RNLS: variants seen among roughly 807,000 people sequenced by gnomAD.
RNLS encodes the protein renalase.
Under a neutral mutation model 39.8 loss-of-function variants are expected in RNLS, and 39 were observed. That is an observed-to-expected ratio of 0.98 (90% CI 0.76 to 1.28). The LOEUF is 1.28. RNLS is among the 50% of genes most tolerant of loss of function. The probability of loss-of-function intolerance (pLI) is 0.00; values close to 1 mark genes in which losing one functional copy is unlikely to be tolerated. For missense variants in RNLS, 410 were observed against 413.3 expected, an observed-to-expected ratio of 0.99 and a Z score of 0.07; for synonymous variants, 147 against 150.7, an observed-to-expected ratio of 0.98 and a Z score of 0.18.
intron 4 of RNLS, among the ~76,000 whole-genome samples, chr10:88,444,655 C>G (rs937925274): frequency 6.6e-6 from 1 of 152,020 alleles, no homozygotes; most frequent in Non-Finnish European, 1.5e-5. Context: ...AACCATGGCA[C>G]GAGAACTACA....
At chr10:88,479,954 T>G (rs550585114) in intron 4 of RNLS, among the ~76,000 whole-genome samples, 2 of 152,294 alleles carry the variant, frequency 1.3e-5, no homozygotes, top group African/African-American at 4.8e-5. Context: ...ATTGTATTAG[T>G]TCTCTGCACA....
At chr10:88,466,908 C>T (rs2133960059) in intron 4 of RNLS, among the ~76,000 whole-genome samples, 1 of 152,146 alleles carries the variant, frequency 6.6e-6, no homozygotes, top group South Asian at 2.1e-4. Flanking sequence ...ATAAAAAAAC[C>T]TTCTTTTATT....
intron 4 of RNLS, among the ~76,000 whole-genome samples, chr10:88,522,279 G>A (rs1013963388): frequency 3.3e-5 from 5 of 152,076 alleles, no homozygotes; most frequent in African/African-American, 1.2e-4. Flanking sequence ...CTGGTTGGAT[G>A]TGCAAAAATT....
At chr10:88,502,673 A>C (rs1352840155) in intron 4 of RNLS, among the ~76,000 whole-genome samples, 1 of 152,184 alleles carries the variant, frequency 6.6e-6, no homozygotes, top group African/African-American at 2.4e-5. Context: ...GGTATTGGGC[A>C]CTGGGACATT....
intron 4 of RNLS, among the ~76,000 whole-genome samples, chr10:88,382,249 A>C (rs1232763520): frequency 3.3e-5 from 5 of 152,154 alleles, no homozygotes; most frequent in African/African-American, 1.2e-4. Context: ...AATGACAGGT[A>C]CAGTGGAGTG....
chr10:88,491,730 A>G (rs146927795), intron 4 of RNLS, among the ~76,000 whole-genome samples: 6 of 152,316 alleles, frequency 3.9e-5, no homozygotes, highest in South Asian at 2.1e-4. Context: ...AACAATGCTA[A>G]GAAGACTATC....
intron 4 of RNLS, among the ~76,000 whole-genome samples, chr10:88,555,593 C>CT (rs1848826136): frequency 6.6e-6 from 1 of 152,102 alleles, no homozygotes; most frequent in South Asian, 2.1e-4. Context: ...CTGCTGGTGC[C>CT]ATGCTTGTAT....
intron 4 of RNLS, among the ~76,000 whole-genome samples, chr10:88,534,127 G>A (rs767816831): frequency 2.0e-4 from 31 of 152,102 alleles, no homozygotes; most frequent in Non-Finnish European, 4.1e-4. Flanking sequence ...GCAGACTATA[G>A]GCTAATTTAG....
the RNLS span, among the ~76,000 whole-genome samples, chr10:88,198,468 C>T: frequency 2.0e-5 from 3 of 152,136 alleles, no homozygotes; most frequent in African/African-American, 7.2e-5. Flanking sequence ...TAGTTTCATA[C>T]GATGCATATT....
rs116919286 is a variant in RNLS, at chr10:88,349,944, A to G, written c.700+12608T>C. On this transcript the variant is annotated intron_variant, in intron 5 of 6. Coordinates refer to ENST00000331772, the MANE Select transcript of RNLS (RefSeq NM_001031709.3). Reference sequence around the variant, plus strand: ...TTACATAACTGAATTACAAATAACTATGTCTATTATATAAATGACAAAATG... The same window carrying G: ...TTACATAACTGAATTACAAATAACTGTGTCTATTATATAAATGACAAAATG... Among the ~76,000 whole-genome samples, 913 of 152,176 alleles carry G rather than the reference A, an allele frequency of 6.0e-3. 6 individuals are homozygous for G. Among genetic ancestry groups the G allele is most frequent in the Non-Finnish European group, 1.0e-2 (677 of 67,980 alleles).
At chr10:88,199,197 G>C in the RNLS span, among the ~76,000 whole-genome samples, 4 of 152,156 alleles carry the variant, frequency 2.6e-5, no homozygotes, top group Non-Finnish European at 4.4e-5. Flanking sequence ...TCTCAGAGTG[G>C]AAGCCTGAAC....
intron 5 of RNLS, among the ~76,000 whole-genome samples, chr10:88,355,557 G>C (rs1332043209): frequency 6.6e-6 from 1 of 152,160 alleles, no homozygotes. Context: ...GTTGCTGTCT[G>C]ATTGTTCCTG....
At chr10:88,326,939 G>T (rs1846661469) in intron 5 of RNLS, among the ~76,000 whole-genome samples, 1 of 152,190 alleles carries the variant, frequency 6.6e-6, no homozygotes, top group Non-Finnish European at 1.5e-5. Flanking sequence ...AGAGCTTTAA[G>T]ATTGAATAGC....
chr10:88,380,270 A>G (rs1163543057), intron 4 of RNLS, among the ~76,000 whole-genome samples: 2 of 151,848 alleles, frequency 1.3e-5, no homozygotes, highest in Admixed American at 1.3e-4. Context: ...TATATTGCAA[A>G]TGTATTCAAC....
rs1385711478 is a variant in RNLS, at chr10:88,288,904, A to G, written c.877-3398T>C. ...AGTAAGAGCCCTGCAGTGGAGGAGC[A>G]CGTAATTGTCAAAGCCACAATCTCA... On this transcript the variant is annotated intron_variant, in intron 6 of 6. Coordinates refer to ENST00000331772, the MANE Select transcript of RNLS (RefSeq NM_001031709.3). Among the ~76,000 whole-genome samples, 3 of 152,192 alleles carry G rather than the reference A, an allele frequency of 2.0e-5. No homozygotes were observed. In the East Asian group the frequency reaches 5.8e-4, roughly 29 times the overall value.
At chr10:88,325,965 C>T (rs1425563434) in intron 5 of RNLS, among the ~76,000 whole-genome samples, 1 of 152,176 alleles carries the variant, frequency 6.6e-6, no homozygotes, top group Non-Finnish European at 1.5e-5. Flanking sequence ...TGTCCTGCCG[C>T]CATGTGAGAA....
the RNLS span, among the ~76,000 whole-genome samples, chr10:88,213,089 A>G: frequency 6.6e-6 from 1 of 152,152 alleles, no homozygotes; most frequent in Non-Finnish European, 1.5e-5. Flanking sequence ...TGGGCACTGG[A>G]CTAGTTGCGG....
chr10:88,278,592 C>G (rs1842897079), intron 6 of RNLS, among the ~76,000 whole-genome samples: 1 of 152,094 alleles, frequency 6.6e-6, no homozygotes, highest in South Asian at 2.1e-4. Flanking sequence ...CTCCCCTCTC[C>G]CACGCTAGCA....
intron 4 of RNLS, among the ~76,000 whole-genome samples, chr10:88,414,776 C>A (rs923821097): frequency 6.6e-6 from 1 of 152,142 alleles, no homozygotes; most frequent in African/African-American, 2.4e-5. Context: ...ATTTAGTTAA[C>A]CAAAATTGTT....
Sources: allele counts gnomAD v4.1 joint callset (sites outside exome capture counted in the v4.1 genomes callset), GRCh38; gene constraint gnomAD v4.1.1; transcripts MANE v1.5; gene names NCBI Gene and HGNC (gene_info 2026-07-23, HGNC 2026-07-21).